The following GMDS variants were observed in gnomAD, a reference collection of about 807,000 sequenced individuals.
GMDS encodes the protein GDP-mannose 4,6-dehydratase.
In GMDS, 20 loss-of-function variants were observed where a neutral mutation model predicts 49.9. The observed-to-expected ratio is 0.40, with a 90% CI of 0.28 to 0.58. The LOEUF is 0.58. GMDS is among the 20% of genes least tolerant of loss of function. The pLI, the probability that GMDS is intolerant of heterozygous loss-of-function variation, is 0.42. For missense variants in GMDS, 362 were observed against 481.4 expected (o/e 0.75, Z 2.32); for synonymous variants, 177 against 178.6 (o/e 0.99, Z 0.07).
chr6:2,204,049 A>T (rs906699254), intron 1 of GMDS, among the ~76,000 whole-genome samples: 3 of 152,208 alleles, frequency 2.0e-5, no homozygotes, highest in African/African-American at 7.2e-5. Flanking sequence ...AAGGAAACTT[A>T]TTTCAGGAAA....
At chr6:2,169,534 G>A (rs1777836442) in intron 1 of GMDS, among the ~76,000 whole-genome samples, 1 of 151,278 alleles carries the variant, frequency 6.6e-6, no homozygotes, top group Non-Finnish European at 1.5e-5. Flanking sequence ...ATTGAACCAA[G>A]GATGCAGAGG....
In GMDS at chr6:1,908,262, A is replaced by C. The variant is rs1003744662; in HGVS notation, c.771+21841T>G. ...CAGAAAGGTGCACGATTTAAAACTTATGAATTATTTCTGTAATTTCCCATT... is the reference window on the plus strand; with the variant it reads ...CAGAAAGGTGCACGATTTAAAACTTCTGAATTATTTCTGTAATTTCCCATT... On this transcript the variant is annotated intron_variant, in intron 7 of 10. Transcript: ENST00000380815. Among the ~76,000 whole-genome samples the C allele has an allele frequency of 5.3e-5, 8 of 152,226 alleles. No homozygotes were observed. In the South Asian group the frequency reaches 8.3e-4, roughly 16 times the overall value.
intron 9 of GMDS, among the ~76,000 whole-genome samples, chr6:1,680,510 A>G (rs536760549): frequency 6.8e-6 from 1 of 147,920 alleles, no homozygotes; most frequent in East Asian, 2.0e-4. Flanking sequence ...GCCAGGTGTT[A>G]GTTCTGATCC....
intron 9 of GMDS, among the ~76,000 whole-genome samples, chr6:1,655,275 G>A (rs7769708): frequency 0.023 from 3,528 of 152,074 alleles, 114 homozygotes; most frequent in African/African-American, 0.08. Flanking sequence ...GTTACATCAC[G>A]GGAACTGGGT....
chr6:1,789,138 G>A (rs901817677), intron 7 of GMDS, among the ~76,000 whole-genome samples: 7 of 152,252 alleles, frequency 4.6e-5, no homozygotes, highest in Admixed American at 1.3e-4. Flanking sequence ...GACAGCAGGG[G>A]ACGGTCTGGA....
intron 2 of GMDS, among the ~76,000 whole-genome samples, chr6:2,123,640 C>T (rs1264219814): frequency 6.6e-6 from 1 of 152,228 alleles, no homozygotes; most frequent in Non-Finnish European, 1.5e-5. Context: ...CTCTAAAACT[C>T]TCTGCTCCGT....
chr6:2,111,869 A>AT (rs1156493169), intron 4 of GMDS, among the ~76,000 whole-genome samples: 8 of 152,218 alleles, frequency 5.3e-5, no homozygotes, highest in African/African-American at 9.7e-5. Context: ...CAAAATATGT[A>AT]TTTTTTCATC....
rs182517741 is a variant in GMDS, at chr6:2,139,899, C to G, written c.103-15168G>C. Among the ~76,000 whole-genome samples the G allele has an allele frequency of 9.4e-4, 143 of 152,300 alleles. No individual in the cohort carries two copies. In the Middle Eastern group the frequency reaches 0.024, roughly 25 times the overall value. The stretch of plus-strand genomic sequence containing the variant: ...AGACGTCGTGAAAGAGGGAGAAAGA[C>G]TTGAGCTGCGTAGTCCAAGATAAAT... On this transcript the variant is annotated intron_variant, in intron 1 of 10. Coordinates refer to ENST00000380815, the MANE Select transcript of GMDS (RefSeq NM_001500.4).
chr6:1,919,792 T>C (rs1487989761), intron 7 of GMDS, among the ~76,000 whole-genome samples: 1 of 152,202 alleles, frequency 6.6e-6, no homozygotes, highest in Non-Finnish European at 1.5e-5. Context: ...ATCTTATTCT[T>C]ACACGAGATC....
At position 1,836,669 on chromosome 6, in the gene GMDS, C is replaced by T. The variant is rs1461862840; in HGVS notation, c.771+93434G>A. Among the ~76,000 whole-genome samples the T allele has an allele frequency of 6.6e-6, 1 of 152,182 alleles. No homozygotes were observed. Among genetic ancestry groups the T allele is most frequent in the African/African-American group, 2.4e-5 (1 of 41,444 alleles). ...GTAGAAGCGGCTGATGAACTGGTTA[C>T]ATTAACATGTGTTTCTTCACTGAAT... On this transcript the variant is annotated intron_variant, in intron 7 of 10. Transcript: ENST00000380815. This position sits in a 1 kb window ranked among gnomAD's most constrained non-coding sequence, Gnocchi z 4.2.
chr6:2,217,506 GC>G (rs1268663611), intron 1 of GMDS, among the ~76,000 whole-genome samples: 1 of 152,070 alleles, frequency 6.6e-6, no homozygotes, highest in Non-Finnish European at 1.5e-5. Context: ...TCATTAACTT[GC>G]TTTTGAACTA....
At chr6:1,652,582 TTTATATATA>T (rs1561701141) in intron 9 of GMDS, among the ~76,000 whole-genome samples, 11 of 10,034 alleles carry the variant, frequency 1.1e-3, no homozygotes, top group South Asian at 3.2e-3. Context: ...ATATATATTA[TTTATATATA>T]ATATATTATA....
At chr6:1,840,955 T>G (rs1441701382) in intron 7 of GMDS, among the ~76,000 whole-genome samples, 1 of 152,158 alleles carries the variant, frequency 6.6e-6, no homozygotes, top group African/African-American at 2.4e-5. Flanking sequence ...GTACACGTAA[T>G]GCAAGTTACA....
intron 7 of GMDS, among the ~76,000 whole-genome samples, chr6:1,902,909 G>A (rs1760571240): frequency 6.6e-6 from 1 of 152,100 alleles, no homozygotes; most frequent in African/African-American, 2.4e-5. Flanking sequence ...ATCTTCTGGG[G>A]AAAGTTGAAT....
At chr6:2,238,807 C>T (rs1581845540) in intron 1 of GMDS, among the ~76,000 whole-genome samples, 1 of 152,146 alleles carries the variant, frequency 6.6e-6, no homozygotes, top group African/African-American at 2.4e-5. Flanking sequence ...AAATATCACA[C>T]ATACCCCATA....
At chr6:2,104,961 TCA>T (rs1393364390) in intron 4 of GMDS, among the ~76,000 whole-genome samples, 1 of 151,976 alleles carries the variant, frequency 6.6e-6, no homozygotes, top group Non-Finnish European at 1.5e-5. Context: ...GGCGGGCAGA[TCA>T]CAAAGTCAGG....
chr6:1,742,401 G>A, intron 8 of GMDS, 67 bp downstream of exon 8: 1 of 852,050 alleles, frequency 1.2e-6, no homozygotes. Context: ...CCAGAACCGA[G>A]GCTTCAGCAA....
chr6:1,837,337 A>T (rs1353647316), intron 7 of GMDS, among the ~76,000 whole-genome samples: 2 of 152,128 alleles, frequency 1.3e-5, no homozygotes, highest in African/African-American at 4.8e-5. Context: ...GTTCTTCAAA[A>T]CATATAGTAA....
chr6:1,976,050 C>T (rs952567458), intron 4 of GMDS, among the ~76,000 whole-genome samples: 1 of 152,110 alleles, frequency 6.6e-6, no homozygotes. Flanking sequence ...TGAAGAATGT[C>T]ACCAAAAAAA....
Sources: gnomAD v4.1 joint callset for allele counts (sites outside exome capture counted in the v4.1 genomes callset) on GRCh38, gnomAD v4.1.1 for gene constraint, Gnocchi (gnomAD v3.1) non-coding constraint, MANE v1.5 for transcripts, NCBI Gene and HGNC (gene_info 2026-07-23, HGNC 2026-07-21) for gene names.